C19orf47: variants seen among roughly 807,000 people sequenced by gnomAD.
The protein encoded by C19orf47 is uncharacterized protein C19orf47.
C19orf47 carries 18 observed loss-of-function variants against 32.3 expected under a neutral mutation model. The observed-to-expected ratio is 0.56, with a 90% CI of 0.39 to 0.83. The LOEUF (loss-of-function observed/expected upper bound fraction) is 0.83. C19orf47 is among the 40% of genes least tolerant of loss of function. The pLI is 0.00. For synonymous variants in C19orf47, 202 were observed against 211.1 expected (o/e 0.96, Z 0.37); for missense variants, 484 against 531.6 (o/e 0.91, Z 0.88).
the C19orf47 span, among the ~76,000 whole-genome samples, chr19:40,293,337 G>A: frequency 6.6e-6 from 1 of 151,742 alleles, no homozygotes; most frequent in Non-Finnish European, 1.5e-5. Context: ...GTAGAGATGG[G>A]GTTTCACTAT....
At chr19:40,334,011 A>G in intron 4 of C19orf47, 82 bp from the exon 5 acceptor site, 1 of 994,990 alleles carries the variant, frequency 1.0e-6, no homozygotes, top group Non-Finnish European at 1.5e-6. Context: ...CACAAGGATC[A>G]ACACCTGACT....
downstream of C19orf47, among the ~76,000 whole-genome samples, chr19:40,317,370 G>T (rs963660216): frequency 1.3e-5 from 2 of 152,102 alleles, no homozygotes; most frequent in Non-Finnish European, 1.5e-5. Flanking sequence ...GAGATGGGAG[G>T]ATTGCTTGAG....
chr19:40,306,505 C>T, the C19orf47 span, among the ~76,000 whole-genome samples: 2 of 151,454 alleles, frequency 1.3e-5, no homozygotes, highest in South Asian at 2.1e-4. Context: ...CGGGTTCAGG[C>T]GATTCTCCTG....
In C19orf47 at chr19:40,321,490, C is replaced by A; in HGVS notation, c.*392G>T. On this transcript the variant is annotated 3_prime_UTR_variant, in exon 9 of 9. Coordinates refer to ENST00000683109, the MANE Select transcript of C19orf47 (RefSeq NM_001256441.2). ...GGGAAGGGAGGCCCACCAGGTGACA[C>A]CCACTTAGTTGAGGGGGACAGGGAG... The A allele has an allele frequency of 2.0e-6, 2 of 1,018,992 alleles. No homozygotes were observed. The highest frequency in any genetic ancestry group is 2.4e-6 in the Non-Finnish European group (2 of 850,774). The allele number at this position is 1,018,992 out of a possible 1,614,324, so 63.1% of individuals were successfully genotyped here.
chr19:40,314,382 G>A, the C19orf47 span, among the ~76,000 whole-genome samples: 1 of 151,986 alleles, frequency 6.6e-6, no homozygotes, highest in Non-Finnish European at 1.5e-5. Flanking sequence ...AGCTGAGATT[G>A]CACCATTGCA....
the C19orf47 span, among the ~76,000 whole-genome samples, chr19:40,310,359 G>A: frequency 6.6e-6 from 1 of 152,176 alleles, no homozygotes; most frequent in Non-Finnish European, 1.5e-5. Context: ...CTGGAGTGCA[G>A]TGGCATGATC....
the C19orf47 span, among the ~76,000 whole-genome samples, chr19:40,310,273 A>G: frequency 2.9e-4 from 44 of 151,582 alleles, no homozygotes; most frequent in African/African-American, 1.0e-3. Flanking sequence ...ACGGTGGCTC[A>G]CATGTATAAT....
chr19:40,328,492 G>C lies in C19orf47; in HGVS notation c.360C>G (p.Pro120=), dbSNP rs759024663. 1 of 1,610,386 alleles carries C rather than the reference G, an allele frequency of 6.2e-7. No individual in the cohort carries two copies. Among genetic ancestry groups the C allele is most frequent in the Non-Finnish European group, 8.5e-7 (1 of 1,178,472 alleles). ...LNHDSPPSTP[P]RRPDTSTSKI... ...TGGAGGTGCTGGTGTCCGGGCGCCTGGGGGGTGTGCTGGGTGGAGAGTCAT... is the reference window on the plus strand; with the variant it reads ...TGGAGGTGCTGGTGTCCGGGCGCCTCGGGGGTGTGCTGGGTGGAGAGTCAT... The change falls in exon 6 of 9, where the codon CCC becomes CCG. Residue 120 remains proline (P), a synonymous_variant. Transcript: ENST00000683109.
intron 6 of C19orf47, 91 bp from the exon 7 acceptor site, chr19:40,326,577 A>T: frequency 7.0e-7 from 1 of 1,419,696 alleles, no homozygotes; most frequent in Non-Finnish European, 9.5e-7. Context: ...TTATCTCCAC[A>T]CATTCATGAC....
intron 1 of C19orf47, among the ~76,000 whole-genome samples, chr19:40,345,291 C>G (rs992914658): frequency 2.6e-5 from 4 of 152,112 alleles, no homozygotes; most frequent in African/African-American, 9.7e-5. Context: ...ATACCAGACT[C>G]CATGTGCTAA....
chr19:40,322,066 A>G lies in C19orf47; in HGVS notation c.974T>C (p.Val325Ala), dbSNP rs772220445. 1.2e-6 allele frequency: 2 copies of G among 1,614,172 alleles called. No individual in the cohort carries two copies. The highest frequency in any genetic ancestry group is 1.7e-6 in the Non-Finnish European group (2 of 1,180,026). ...GACCTGGCTGTCCTGGGCCTCGGGC[A>G]CAAGGGCAGCTGCGCCCAGTCTCTT... ...IIKRLGAAAL[V>A]PEAQDSQVTS... is the part of the protein sequence containing the mutation. The change falls in exon 9 of 9, where the codon GTG (valine) becomes GCG (alanine). Residue 325 changes from valine to alanine, a missense_variant. By Grantham distance (64) the Val-to-Ala change is moderately conservative (BLOSUM62 0). This residue lies in a region of C19orf47 where 376 missense variants were observed against 370.2 expected (regional missense o/e 1.02). Transcript: ENST00000683109.
chr19:40,327,730 T>A (rs1308427214), intron 6 of C19orf47, among the ~76,000 whole-genome samples: 1 of 152,140 alleles, frequency 6.6e-6, no homozygotes, highest in African/African-American at 2.4e-5. Flanking sequence ...TTCCCAGCTC[T>A]CAAGCTGAGA....
intron 7 of C19orf47, among the ~76,000 whole-genome samples, chr19:40,325,456 C>A (rs1018630659): frequency 6.6e-6 from 1 of 151,630 alleles, no homozygotes; most frequent in African/African-American, 2.4e-5. Flanking sequence ...GGCAAAACCC[C>A]CTCTCTACAA....
At chr19:40,296,460 T>C in the C19orf47 span, among the ~76,000 whole-genome samples, 1 of 152,008 alleles carries the variant, frequency 6.6e-6, no homozygotes, top group Admixed American at 6.6e-5. Flanking sequence ...TTTTGTATTT[T>C]TAGTAGAGAT....
chr19:40,302,356 C>G, the C19orf47 span, among the ~76,000 whole-genome samples: 2 of 152,160 alleles, frequency 1.3e-5, no homozygotes, highest in Non-Finnish European at 2.9e-5. Flanking sequence ...CCTCCACCCC[C>G]CAGGCTCAGA....
chr19:40,317,473 A>G (rs1310725269), downstream of C19orf47, among the ~76,000 whole-genome samples: 2 of 152,110 alleles, frequency 1.3e-5, no homozygotes, highest in African/African-American at 4.8e-5. Flanking sequence ...AGTGAAAAAA[A>G]AAAATCTACC....
chr19:40,340,050 T>C (rs2078145857), intron 2 of C19orf47, among the ~76,000 whole-genome samples: 1 of 150,390 alleles, frequency 6.6e-6, no homozygotes, highest in South Asian at 2.1e-4. Context: ...TTATTCCATA[T>C]GGAGAATGGA....
At chr19:40,345,536 T>TAAA (rs55954294) in intron 1 of C19orf47, among the ~76,000 whole-genome samples, 2 of 110,844 alleles carry the variant, frequency 1.8e-5, no homozygotes, top group Non-Finnish European at 1.8e-5. Context: ...CTGTCACTGT[T>TAAA]AAAAAAAAAA....
At chr19:40,325,543 T>C (rs2077811831) in intron 7 of C19orf47, among the ~76,000 whole-genome samples, 1 of 152,010 alleles carries the variant, frequency 6.6e-6, no homozygotes, top group Non-Finnish European at 1.5e-5. Context: ...CAGGACTGCT[T>C]GAACCTGGGA....
Sources: gnomAD v4.1 joint callset for allele counts (sites outside exome capture counted in the v4.1 genomes callset) on GRCh38, gnomAD v4.1.1 for gene constraint, gnomAD v4.1.1 regional missense constraint, MANE v1.5 for transcripts, NCBI Gene and HGNC (gene_info 2026-07-23, HGNC 2026-07-21) for gene names.